Variants in PPA1 observed in about 807,000 individuals in gnomAD.
The protein encoded by PPA1 is inorganic pyrophosphatase 1, also known as inorganic pyrophosphatase.
A neutral mutation model predicts 41.8 loss-of-function variants in PPA1; 23 were observed. The observed-to-expected ratio is 0.55, with a 90% confidence interval of 0.40 to 0.78. PPA1 has a LOEUF of 0.78. PPA1 is among the 30% of genes least tolerant of loss of function. The probability of loss-of-function intolerance (pLI) is 0.00; values close to 1 mark genes in which losing one functional copy is unlikely to be tolerated. For missense variants in PPA1, 320 were observed against 361.6 expected, an observed-to-expected ratio of 0.89 and a Z score of 0.93; for synonymous variants, 101 against 116.8, an observed-to-expected ratio of 0.86 and a Z score of 0.87.
chr10:70,221,017 TTA>T lies in PPA1; in HGVS notation c.124-2202_124-2201del, dbSNP rs1443934931. Reference sequence around the variant, plus strand: ...TTTATATATATAACATATATATAATTTATATATATAATATATATATAAATTAT... The same window carrying T: ...TTTATATATATAACATATATATAATTTATATATAATATATATATAAATTAT... On this transcript the variant is annotated intron_variant, in intron 2 of 10. Coordinates refer to ENST00000373232, the MANE Select transcript of PPA1 (RefSeq NM_021129.4). 1.0e-3 allele frequency among the ~76,000 whole-genome samples: 74 copies of T among 71,492 alleles called. 2 individuals are homozygous for T. Among genetic ancestry groups the T allele is most frequent in the South Asian group, 7.7e-3 (21 of 2,738 alleles). 46.9% of individuals were successfully genotyped at this position (71,492 alleles called of 152,430 possible). A position where few individuals can be genotyped will look rare whatever the true frequency, so the allele number is the denominator to read the frequency against.
chr10:70,218,215 T>C (rs1840099869), intron 3 of PPA1, among the ~76,000 whole-genome samples: 1 of 152,204 alleles, frequency 6.6e-6, no homozygotes, highest in Non-Finnish European at 1.5e-5. Context: ...GTTTGAGTAA[T>C]AAAAATACCA....
chr10:70,203,490 A>G (rs1298590203), intron 10 of PPA1: 1 of 259,522 alleles, frequency 3.9e-6, no homozygotes, highest in Non-Finnish European at 7.3e-6. Context: ...TGCAACCTCC[A>G]TCTTCCAGGT....
rs556362538 is a variant in PPA1 at position 70,208,059 on chromosome 10, A to G, written c.725+1146T>C. On this transcript the variant is annotated intron_variant, in intron 8 of 10. Transcript: ENST00000373232. Reference sequence around the variant, plus strand: ...ACAAAAATTAGCCGGGCGTGGTGGCATGCGCCTGTAATCCCAGCTACTCAG... The same window carrying G: ...ACAAAAATTAGCCGGGCGTGGTGGCGTGCGCCTGTAATCCCAGCTACTCAG... Among the ~76,000 whole-genome samples, 4 of 151,610 alleles carry G rather than the reference A, an allele frequency of 2.6e-5. No homozygotes were observed. The South Asian group carries it at 8.3e-4, about 31-fold the overall frequency.
Position 70,207,141 on chromosome 10 carries a change from G to C in PPA1, c.726-808C>G, listed in dbSNP as rs190910313. 2.7e-4 allele frequency among the ~76,000 whole-genome samples: 41 copies of C among 152,144 alleles called. No homozygotes were observed. In the East Asian group the frequency reaches 7.7e-3, roughly 29 times the overall value. On this transcript the variant is annotated intron_variant, in intron 8 of 10. Coordinates refer to ENST00000373232, the MANE Select transcript of PPA1 (RefSeq NM_021129.4). ...ACCTTTTAAAAAGCTCATAGGTCTT[G>C]ATAGAGAAATTCCACCTCTAAGAAC... is the stretch of plus-strand genomic sequence containing the variant.
At chr10:70,222,137 C>T (rs1840177691) in intron 2 of PPA1, among the ~76,000 whole-genome samples, 1 of 151,686 alleles carries the variant, frequency 6.6e-6, no homozygotes, top group African/African-American at 2.4e-5. Flanking sequence ...AGATCGAGAC[C>T]ATCCTGGCTA....
intron 1 of PPA1, among the ~76,000 whole-genome samples, chr10:70,230,778 T>C (rs1446236043): frequency 6.6e-6 from 1 of 152,304 alleles, no homozygotes; most frequent in Middle Eastern, 3.4e-3. Flanking sequence ...ACCCGACCAG[T>C]ACACATTTTT....
At chr10:70,220,501 ATT>A (rs1491263824) in intron 2 of PPA1, among the ~76,000 whole-genome samples, 1,384 of 96,502 alleles carry the variant, frequency 0.014, 275 homozygotes, top group African/African-American at 0.059. Context: ...ATATTATATA[ATT>A]TTATATATAT....
chr10:70,225,771 G>A (rs1277290506), intron 2 of PPA1, among the ~76,000 whole-genome samples: 1 of 151,812 alleles, frequency 6.6e-6, no homozygotes, highest in Admixed American at 6.6e-5. Flanking sequence ...AGGTATACCA[G>A]ATTTCACCAT....
In PPA1 at chr10:70,214,529, G is replaced by A; in HGVS notation, c.355C>T (p.Pro119Ser). ...CTTCCAATTTCACACACATCAATTG[G>A]GTCATTGTCACCACAACAGCCAGTA... ...KHTGCCGDND[P>S]IDVCEIGSKV... Residue 119 changes from proline (P) to serine (S), a missense_variant, in exon 5 of 11, where the codon CCA (proline) becomes TCA (serine). Pro to Ser is a moderately conservative substitution (Grantham distance 74). Coordinates refer to ENST00000373232, the MANE Select transcript of PPA1 (RefSeq NM_021129.4). The A allele has an allele frequency of 6.2e-7, 1 of 1,613,448 alleles. No individual in the cohort carries two copies. The highest frequency in any genetic ancestry group is 8.5e-7 in the Non-Finnish European group (1 of 1,179,736).
chr10:70,227,038 T>C lies in PPA1; in HGVS notation c.123+3303A>G, dbSNP rs371081648. Among the ~76,000 whole-genome samples, 44 of 152,368 alleles carry C rather than the reference T, an allele frequency of 2.9e-4. No homozygotes were observed. In the South Asian group the frequency reaches 9.1e-3, roughly 32 times the overall value. ...AAATCAGGTCATGATATTTGAGCAC[T>C]TTAAGATTTAGAGAAAGCTTTTATC... On this transcript the variant is annotated intron_variant, in intron 2 of 10. Transcript: ENST00000373232.
At chr10:70,220,420 T>C (rs1171412235) in intron 2 of PPA1, among the ~76,000 whole-genome samples, 2 of 136,794 alleles carry the variant, frequency 1.5e-5, no homozygotes, top group Non-Finnish European at 1.5e-5. Context: ...ATCCAGCTAA[T>C]TGTGTGTGTG....
chr10:70,232,970 C>T (rs535116705), intron 1 of PPA1, among the ~76,000 whole-genome samples: 3 of 152,324 alleles, frequency 2.0e-5, no homozygotes, highest in South Asian at 2.1e-4. Flanking sequence ...CCAACAGACC[C>T]TGTCAGAGCC....
intron 6 of PPA1, among the ~76,000 whole-genome samples, chr10:70,210,902 A>C (rs1840010611): frequency 6.6e-6 from 1 of 151,772 alleles, no homozygotes; most frequent in African/African-American, 2.4e-5. Flanking sequence ...AGTAACTGGG[A>C]CTACAGGTGC....
Position 70,218,617 on chromosome 10 carries a change from T to C in PPA1, c.177+147A>G, listed in dbSNP as rs192418053. 66 of 632,432 alleles carry C rather than the reference T, an allele frequency of 1.0e-4. No individual in the cohort carries two copies. In the Admixed American group the frequency reaches 1.5e-3, roughly 14 times the overall value. The allele number at this position is 632,432 out of a possible 1,614,324, so 39.2% of individuals were successfully genotyped here. ...AGCTGGAGCCCAAAGGGAAGACTAG[T>C]AGGCAATGGGAGATACAACTAGAAA... On this transcript the variant is annotated intron_variant, in intron 3 of 10. Coordinates refer to ENST00000373232, the MANE Select transcript of PPA1 (RefSeq NM_021129.4).
chr10:70,205,650 T>C (rs981408676), intron 9 of PPA1: 6 of 152,112 alleles, frequency 3.9e-5, no homozygotes, highest in African/African-American at 1.4e-4. Flanking sequence ...AAATTGTCCT[T>C]TTTTCCTTGT....
Position 70,214,374 on chromosome 10 carries a change from T to C in PPA1, c.384+126A>G, listed in dbSNP as rs540189348. ...TGCTTAAAATGCAAGAAGCCTTTAATACCAAAGAGACATCATTATTTCACT... is the reference window on the plus strand; with the variant it reads ...TGCTTAAAATGCAAGAAGCCTTTAACACCAAAGAGACATCATTATTTCACT... On this transcript the variant is annotated intron_variant, in intron 5 of 10. Transcript: ENST00000373232. The C allele has an allele frequency of 1.6e-5, 12 of 750,146 alleles. No homozygotes were observed. The South Asian group carries it at 2.3e-4, about 14-fold the overall frequency. 46.5% of individuals were successfully genotyped at this position (750,146 alleles called of 1,614,324 possible). A position where few individuals can be genotyped will look rare whatever the true frequency, so the allele number is the denominator to read the frequency against.
chr10:70,202,887 T>A lies in PPA1; in HGVS notation c.*268A>T. The A allele has an allele frequency of 2.2e-6, 1 of 445,260 alleles. No homozygotes were observed. Among genetic ancestry groups the A allele is most frequent in the Non-Finnish European group, 4.0e-6 (1 of 252,028 alleles). 27.6% of individuals were successfully genotyped at this position (445,260 alleles called of 1,614,324 possible). A position where few individuals can be genotyped will look rare whatever the true frequency, so the allele number is the denominator to read the frequency against. ...CATATGGTAACATATACATCCAATA[T>A]GTGCTCCCCTTGCACATCTATTCAC... On this transcript the variant is annotated 3_prime_UTR_variant, in exon 11 of 11. Coordinates refer to ENST00000373232, the MANE Select transcript of PPA1 (RefSeq NM_021129.4).
Position 70,209,560 on chromosome 10 carries a change from T to C in PPA1, c.637A>G (p.Lys213Glu). The C allele has an allele frequency of 1.3e-6, 2 of 1,598,150 alleles. No individual in the cohort carries two copies. Among genetic ancestry groups the C allele is most frequent in the Non-Finnish European group, 1.7e-6 (2 of 1,176,376 alleles). Residue 213 changes from lysine (K) to glutamate (E), a missense_variant and splice_region_variant, in exon 7 of 11, where the codon AAG becomes GAG. Coordinates refer to ENST00000373232, the MANE Select transcript of PPA1 (RefSeq NM_021129.4). The stretch of plus-strand genomic sequence containing the variant: ...TACAGTTCTGAATGACATATTACCT[T>C]ATCTTTAAATTCTGCATTAAACGCA... ...EFAFNAEFKD[K>E]DFAIDIIKST...
chr10:70,233,115 G>A (rs1285145493), intron 1 of PPA1, 149 bp downstream of exon 1: 8 of 885,574 alleles, frequency 9.0e-6, no homozygotes, highest in African/African-American at 1.8e-5. Context: ...TATGCAATGT[G>A]AGGCCGGCCA....
Sources: allele counts gnomAD v4.1 joint callset (sites outside exome capture counted in the v4.1 genomes callset), GRCh38; gene constraint gnomAD v4.1.1; transcripts MANE v1.5; gene names NCBI Gene and HGNC (gene_info 2026-07-23, HGNC 2026-07-21).